Variants in DTNB observed in about 807,000 individuals in gnomAD.
The protein encoded by DTNB is DTN-B.
Under a neutral mutation model 90.7 loss-of-function variants are expected in DTNB, and 63 were observed. That is an observed-to-expected ratio of 0.69 (90% CI 0.57 to 0.86). The LOEUF is 0.86. Among genes scored for constraint, DTNB ranks in the 40% least tolerant of loss-of-function variants. DTNB has a pLI of 0.00. For synonymous variants in DTNB, 277 were observed against 286.7 expected (o/e 0.97, Z 0.34); for missense variants, 744 against 807.1 (o/e 0.92, Z 0.95).
chr2:25,625,284 G>A (rs995926487), intron 4 of DTNB, among the ~76,000 whole-genome samples: 3 of 152,142 alleles, frequency 2.0e-5, no homozygotes, highest in African/African-American at 7.2e-5. Context: ...TCAATAAAAA[G>A]ACTAACATTT....
chr2:25,578,523 T>C (rs1261462952), intron 7 of DTNB, among the ~76,000 whole-genome samples: 1 of 152,210 alleles, frequency 6.6e-6, no homozygotes, highest in Non-Finnish European at 1.5e-5. Context: ...ATTCTGATAA[T>C]TTTGGTTGAA....
chr2:25,443,659 C>A (rs1378689328), intron 12 of DTNB, among the ~76,000 whole-genome samples: 1 of 152,152 alleles, frequency 6.6e-6, no homozygotes, highest in Non-Finnish European at 1.5e-5. Context: ...GGATTGTCAC[C>A]CTCTCTCAAA....
At chr2:25,453,525 G>A (rs930063046) in intron 11 of DTNB, among the ~76,000 whole-genome samples, 18 of 152,272 alleles carry the variant, frequency 1.2e-4, no homozygotes, top group African/African-American at 4.3e-4. Context: ...TGTTCAGGGA[G>A]CCAAGGTGAG....
At chr2:25,448,914 G>A (rs1248883406) in intron 12 of DTNB, among the ~76,000 whole-genome samples, 1 of 150,114 alleles carries the variant, frequency 6.7e-6, no homozygotes, top group African/African-American at 2.5e-5. Context: ...GTACACTCCT[G>A]CAACCCACAC....
At chr2:25,405,103 T>C (rs995877539) in intron 16 of DTNB, among the ~76,000 whole-genome samples, 1 of 152,092 alleles carries the variant, frequency 6.6e-6, no homozygotes, top group East Asian at 1.9e-4. Context: ...AATTACTGTA[T>C]TTTTTGTAGA....
chr2:25,445,002 C>T (rs1484165393), intron 12 of DTNB, among the ~76,000 whole-genome samples: 1 of 152,092 alleles, frequency 6.6e-6, no homozygotes, highest in African/African-American at 2.4e-5. Flanking sequence ...CGATCATTTC[C>T]AGAAGAATTA....
At chr2:25,455,946 C>T (rs1298642176) in intron 10 of DTNB, among the ~76,000 whole-genome samples, 1 of 152,218 alleles carries the variant, frequency 6.6e-6, no homozygotes, top group Non-Finnish European at 1.5e-5. Flanking sequence ...AGTGTTACTT[C>T]ATGTTGCCAG....
chr2:25,523,429 C>T (rs989187993), intron 9 of DTNB, among the ~76,000 whole-genome samples: 1 of 152,234 alleles, frequency 6.6e-6, no homozygotes, highest in Middle Eastern at 3.4e-3. Context: ...TGCTTGAGGT[C>T]AGGAGTTCGA....
intron 9 of DTNB, among the ~76,000 whole-genome samples, chr2:25,502,514 C>G (rs529433778): frequency 1.3e-5 from 2 of 151,836 alleles, no homozygotes; most frequent in South Asian, 4.2e-4. Flanking sequence ...AGGAAGATCG[C>G]GAGGATCACT....
At chr2:25,461,163 C>A (rs2060889426) in intron 10 of DTNB, among the ~76,000 whole-genome samples, 1 of 152,206 alleles carries the variant, frequency 6.6e-6, no homozygotes, top group African/African-American at 2.4e-5. Flanking sequence ...CTTGGTCTCC[C>A]AAAGTGTTGG....
intron 16 of DTNB, among the ~76,000 whole-genome samples, chr2:25,395,474 A>C (rs758821155): frequency 1.3e-5 from 2 of 151,188 alleles, no homozygotes; most frequent in Non-Finnish European, 2.9e-5. Flanking sequence ...ACATAAATAC[A>C]CATAAATATA....
chr2:25,664,154 A>C (rs960700770), intron 1 of DTNB, among the ~76,000 whole-genome samples: 1 of 152,210 alleles, frequency 6.6e-6, no homozygotes. Context: ...TATTTTTAGT[A>C]ATTCTAAGCT....
chr2:25,654,120 A>C (rs890308625), intron 1 of DTNB, among the ~76,000 whole-genome samples: 2 of 152,228 alleles, frequency 1.3e-5, no homozygotes, highest in African/African-American at 4.8e-5. Flanking sequence ...TCAAGGCTAC[A>C]GGGACTGATA....
chr2:25,532,245 C>CAAAAAAAAAAAAAAAAAAAAAAAAAAAA (rs11352371), intron 8 of DTNB, among the ~76,000 whole-genome samples: 1 of 74,302 alleles, frequency 1.3e-5, no homozygotes, highest in Non-Finnish European at 2.9e-5. Flanking sequence ...AACTCTGTCT[C>CAAAAAAAAAAAAAAAAAAAAAAAAAAAA]AAAAAAAAAA....
At chr2:25,653,566 C>T (rs1481809477) in intron 1 of DTNB, among the ~76,000 whole-genome samples, 5 of 136,536 alleles carry the variant, frequency 3.7e-5, no homozygotes, top group Admixed American at 8.1e-5. Flanking sequence ...GGCTGGAGTG[C>T]AGTGGTGCGA....
At chr2:25,542,755 C>T (rs959850864) in intron 8 of DTNB, among the ~76,000 whole-genome samples, 1 of 152,082 alleles carries the variant, frequency 6.6e-6, no homozygotes, top group Non-Finnish European at 1.5e-5. Context: ...GTAAGCAACG[C>T]TGTTTTAGAA....
intron 12 of DTNB, among the ~76,000 whole-genome samples, chr2:25,449,430 T>C (rs2058934758): frequency 6.6e-6 from 1 of 152,238 alleles, no homozygotes. Flanking sequence ...TGTATGATTT[T>C]ATAGGCCCGC....
intron 18 of DTNB, among the ~76,000 whole-genome samples, chr2:25,385,066 C>CGG (rs1162470958): frequency 2.6e-4 from 39 of 151,718 alleles, no homozygotes; most frequent in African/African-American, 9.4e-4. Context: ...TTAGTAGAGA[C>CGG]GGGGTTTCAT....
chr2:25,497,901 C>T (rs2069352414), intron 9 of DTNB, among the ~76,000 whole-genome samples: 1 of 152,170 alleles, frequency 6.6e-6, no homozygotes, highest in African/African-American at 2.4e-5. Flanking sequence ...GTCCAGGGAA[C>T]CTTTCTATTG....
Sources: gnomAD v4.1 joint callset for allele counts (sites outside exome capture counted in the v4.1 genomes callset) on GRCh38, gnomAD v4.1.1 for gene constraint, MANE v1.5 for transcripts, NCBI Gene and HGNC (gene_info 2026-07-23, HGNC 2026-07-21) for gene names.